PTPN14: variants seen among roughly 807,000 people sequenced by gnomAD.
PTPN14 encodes protein tyrosine phosphatase non-receptor type 14.
A neutral mutation model predicts 126.8 loss-of-function variants in PTPN14; 53 were observed. The observed-to-expected ratio is 0.42, with a 90% CI of 0.34 to 0.53. The LOEUF (loss-of-function observed/expected upper bound fraction) is 0.53. Among genes scored for constraint, PTPN14 ranks in the 20% least tolerant of loss-of-function variants. The pLI, the probability that PTPN14 is intolerant of heterozygous loss-of-function variation, is 0.08. For synonymous variants in PTPN14, 630 were observed against 599.3 expected (o/e 1.05, Z -0.75); for missense variants, 1,257 against 1,552.9 (o/e 0.81, Z 3.20).
chr1:214,520,065 A>AAAAAAAAAAAAAAAAAAAAATATATAT, intron 1 of PTPN14, among the ~76,000 whole-genome samples: 1 of 71,140 alleles, frequency 1.4e-5, no homozygotes, highest in Non-Finnish European at 2.4e-5. Context: ...AAAAAAAAAA[A>AAAAAAAAAAAAAAAAAAAAATATATAT]ATATATATAT....
chr1:214,493,649 A>G (rs1661298150), intron 1 of PTPN14, among the ~76,000 whole-genome samples: 2 of 152,266 alleles, frequency 1.3e-5, no homozygotes, highest in Admixed American at 1.3e-4. Flanking sequence ...TCTTTTATAC[A>G]TAACTGTAAT....
At position 214,376,455 on chromosome 1, in the gene PTPN14, C is replaced by G. The variant is rs1278682783; in HGVS notation, c.2689-18G>C. On this transcript the variant is annotated intron_variant, in intron 14 of 18. Transcript: ENST00000366956. ...GTTCTGAACTGCAACAGAAATTGAT[C>G]TTCAGCTCTCTAAATTATCTGATCC... 10 of 1,581,226 alleles carry G rather than the reference C, an allele frequency of 6.3e-6. No individual in the cohort carries two copies. The highest frequency in any genetic ancestry group is 8.7e-6 in the Non-Finnish European group (10 of 1,151,990).
chr1:214,451,152 GTTTTTGTTGTTT>G (rs995882190), intron 3 of PTPN14, among the ~76,000 whole-genome samples: 10 of 126,464 alleles, frequency 7.9e-5, no homozygotes, highest in Admixed American at 2.5e-4. Context: ...TTTTGTTTTT[GTTTTTGTTGTTT>G]TTGTTTTTGT....
At chr1:214,412,294 A>G (rs1397704264) in intron 4 of PTPN14, among the ~76,000 whole-genome samples, 1 of 152,228 alleles carries the variant, frequency 6.6e-6, no homozygotes, top group African/African-American at 2.4e-5. Context: ...GTTTGAGCAC[A>G]TGCAAAATGA....
chr1:214,428,823 C>T (rs1343497457), intron 3 of PTPN14, among the ~76,000 whole-genome samples: 1 of 152,210 alleles, frequency 6.6e-6, no homozygotes, highest in Non-Finnish European at 1.5e-5. Flanking sequence ...CAAACCACTA[C>T]ACTTTAAAAA....
intron 1 of PTPN14, among the ~76,000 whole-genome samples, chr1:214,524,620 C>T (rs1558141575): frequency 6.6e-6 from 1 of 152,042 alleles, no homozygotes; most frequent in Non-Finnish European, 1.5e-5. Context: ...CCACTGCATT[C>T]CAGCCTGGAC....
intron 1 of PTPN14, among the ~76,000 whole-genome samples, chr1:214,490,956 G>A (rs1476812627): frequency 6.7e-5 from 4 of 59,686 alleles, no homozygotes; most frequent in Non-Finnish European, 1.9e-4. Flanking sequence ...AAGAAAGAAA[G>A]GAAGGAAGGA....
At chr1:214,373,558 AAC>A (rs10562157) in intron 15 of PTPN14, among the ~76,000 whole-genome samples, 14,072 of 138,094 alleles carry the variant, frequency 0.1, 865 homozygotes, top group African/African-American at 0.17. Flanking sequence ...ATTTCATTGA[AAC>A]ACACACACAC....
At chr1:214,406,956 AC>A (rs1659186293) in intron 5 of PTPN14, among the ~76,000 whole-genome samples, 1 of 151,992 alleles carries the variant, frequency 6.6e-6, no homozygotes, top group Admixed American at 6.6e-5. Flanking sequence ...AATACCAACT[AC>A]CCCATTTGAC....
intron 1 of PTPN14, among the ~76,000 whole-genome samples, chr1:214,478,550 A>C (rs1041535909): frequency 3.9e-5 from 6 of 152,172 alleles, no homozygotes; most frequent in Admixed American, 2.0e-4. Flanking sequence ...TGGAAAAAAA[A>C]CAAAAAACAA....
Position 214,384,589 on chromosome 1 carries a change from C to T in PTPN14, c.1266G>A (p.Arg422=), listed in dbSNP as rs1436195805. Residue 422 remains arginine (R), a synonymous_variant, in exon 13 of 19, where the codon CGG becomes CGA. Coordinates refer to ENST00000366956, the MANE Select transcript of PTPN14 (RefSeq NM_005401.5). The surrounding 1 kb of genome is among the most constrained non-coding windows in gnomAD (Gnocchi z 5.3). Reference sequence around the variant, plus strand: ...GCCGGTGGCTCGGGATGTAGTCGGCCCGCATGATGTCACTCCCAGGGATAC... The same window carrying T: ...GCCGGTGGCTCGGGATGTAGTCGGCTCGCATGATGTCACTCCCAGGGATAC... The part of the protein sequence containing the change: ...NLSIPGSDIM[R]ADYIPSHRHS... 12 of 1,613,952 alleles carry T rather than the reference C, an allele frequency of 7.4e-6. No individual in the cohort carries two copies. Among genetic ancestry groups the T allele is most frequent in the Non-Finnish European group, 1.0e-5 (12 of 1,180,032 alleles).
intron 1 of PTPN14, chr1:214,482,819 G>T (rs1418189616): frequency 1.2e-6 from 2 of 1,608,244 alleles, no homozygotes; most frequent in East Asian, 4.5e-5. Context: ...ATTTAAAAGA[G>T]GACAGGTTTG....
At chr1:214,387,674 C>CAAAAA (rs67415818) in intron 11 of PTPN14, among the ~76,000 whole-genome samples, 6 of 85,310 alleles carry the variant, frequency 7.0e-5, no homozygotes, top group Admixed American at 2.3e-4. Flanking sequence ...AAGACTCCGT[C>CAAAAA]AAAAAAAAAA....
chr1:214,448,415 T>G (rs1280660155), intron 3 of PTPN14, among the ~76,000 whole-genome samples: 1 of 122,836 alleles, frequency 8.1e-6, no homozygotes, highest in Admixed American at 8.4e-5. Context: ...TTTTTTTTTT[T>G]GTATTTTTTT....
chr1:214,455,292 A>T (rs4072973), intron 2 of PTPN14, among the ~76,000 whole-genome samples: 1 of 152,072 alleles, frequency 6.6e-6, no homozygotes, highest in South Asian at 2.1e-4. Context: ...TTGAAAGCTG[A>T]GCTTAGCTGC....
chr1:214,410,552 A>C (rs1195355961), intron 5 of PTPN14, among the ~76,000 whole-genome samples: 1 of 152,152 alleles, frequency 6.6e-6, no homozygotes, highest in Non-Finnish European at 1.5e-5. Flanking sequence ...AGGCCTCCCA[A>C]AGTGCTGAGA....
chr1:214,545,056 G>A (rs78884177), intron 1 of PTPN14, among the ~76,000 whole-genome samples: 41 of 152,218 alleles, frequency 2.7e-4, no homozygotes, highest in African/African-American at 9.1e-4. Context: ...TGTTAGGGGC[G>A]CTAGCACAGA....
rs1427304618 is a variant in PTPN14 at position 214,489,264 on chromosome 1, G to C, written c.-154-24307C>G. On this transcript the variant is annotated intron_variant, in intron 1 of 18. Coordinates refer to ENST00000366956, the MANE Select transcript of PTPN14 (RefSeq NM_005401.5). ...TCCTCATGTTATGGGTGACGAAACT[G>C]AGGCTTGCGGAGGTTGAGATTTTGC... is the stretch of plus-strand genomic sequence containing the variant. 4.6e-5 allele frequency among the ~76,000 whole-genome samples: 7 copies of C among 152,190 alleles called. No individual in the cohort carries two copies. The South Asian group carries it at 6.2e-4, about 13-fold the overall frequency.
At chr1:214,513,437 T>C (rs1324865860) in intron 1 of PTPN14, among the ~76,000 whole-genome samples, 14 of 135,754 alleles carry the variant, frequency 1.0e-4, no homozygotes, top group Admixed American at 8.1e-4. Context: ...TGATTTCCAT[T>C]AGTTCTTCAA....
Sources: gnomAD v4.1 joint callset for allele counts (sites outside exome capture counted in the v4.1 genomes callset) on GRCh38, gnomAD v4.1.1 for gene constraint, Gnocchi (gnomAD v3.1) non-coding constraint, MANE v1.5 for transcripts, NCBI Gene and HGNC (gene_info 2026-07-23, HGNC 2026-07-21) for gene names.